Variants in ADAMTSL5 observed in about 807,000 individuals in gnomAD.
ADAMTSL5 encodes the protein ADAMTS-like protein 5.
ADAMTSL5 carries 53 observed loss-of-function variants against 51.7 expected under a neutral mutation model. That is an observed-to-expected ratio of 1.03 (90% CI 0.82 to 1.29). The LOEUF (loss-of-function observed/expected upper bound fraction) is 1.29, where lower values mean the gene tolerates loss of function less well. Among genes scored for constraint, ADAMTSL5 ranks in the 50% most tolerant of loss-of-function variants. ADAMTSL5 has a pLI of 0.00. For missense variants in ADAMTSL5, 770 were observed against 676.2 expected (o/e 1.14, Z -1.54); for synonymous variants, 285 against 278.7 (o/e 1.02, Z -0.23).
At position 1,506,551 on chromosome 19, in the gene ADAMTSL5, T is replaced by C; in HGVS notation, c.1114+39A>G. The C allele has an allele frequency of 6.3e-7, 1 of 1,596,516 alleles. No homozygotes were observed. The highest frequency in any genetic ancestry group is 8.5e-7 in the Non-Finnish European group (1 of 1,171,034). ...GTCAGAGGTCAGGAGGAGGCCAGGT[T>C]AGTAGGGGCTAAGTCAGGGTAGAGG... On this transcript the variant is annotated intron_variant, in intron 11 of 11. Coordinates refer to ENST00000330475, the MANE Select transcript of ADAMTSL5 (RefSeq NM_213604.3). This position sits in a 1 kb window ranked among gnomAD's most constrained non-coding sequence, Gnocchi z 5.6.
At position 1,510,735 on chromosome 19, in the gene ADAMTSL5, T is replaced by C; in HGVS notation, c.100-5A>G. On this transcript the variant is annotated splice_polypyrimidine_tract_variant and splice_region_variant and intron_variant, in intron 2 of 11. Coordinates refer to ENST00000330475, the MANE Select transcript of ADAMTSL5 (RefSeq NM_213604.3). ...CGGGGTCCACTCGCCCGGACCCTAC[T>C]TGGGGAGACAGAGGCACGGTCAGCC... 1 of 1,531,286 alleles carries C rather than the reference T, an allele frequency of 6.5e-7. No homozygotes were observed. The highest frequency in any genetic ancestry group is 1.2e-5 in the South Asian group (1 of 82,872). The allele number at this position is 1,531,286 out of a possible 1,614,324, so 94.9% of individuals were successfully genotyped here. A position where few individuals can be genotyped will look rare whatever the true frequency, so the allele number is the denominator to read the frequency against.
chr19:1,506,617 G>T lies in ADAMTSL5; in HGVS notation c.1087C>A (p.Leu363Ile). Residue 363 changes from leucine (L) to isoleucine (I), a missense_variant, in exon 11 of 12, where the codon CTA becomes ATA. By Grantham distance (5) the Leu-to-Ile change is conservative. Coordinates refer to ENST00000330475, the MANE Select transcript of ADAMTSL5 (RefSeq NM_213604.3). This position sits in a 1 kb window ranked among gnomAD's most constrained non-coding sequence, Gnocchi z 5.6. ...AAGTCACTGCCGCAATAGTGGAGTA[G>T]TCGGTGGGCGCGGCCGCGGGTGTCA... Reference protein sequence around the residue: ...CPDTRGRAHRLLHYCGSDFVF... With the variant: ...CPDTRGRAHRILHYCGSDFVF... 2 of 1,611,796 alleles carry T rather than the reference G, an allele frequency of 1.2e-6. No homozygotes were observed. Among genetic ancestry groups the T allele is most frequent in the Non-Finnish European group, 1.7e-6 (2 of 1,179,336 alleles).
chr19:1,507,129 A>T (rs201711482), intron 9 of ADAMTSL5, 113 bp downstream of exon 9: 2 of 1,231,372 alleles, frequency 1.6e-6, no homozygotes, highest in Non-Finnish European at 2.1e-6. Flanking sequence ...CTCCCCTCTG[A>T]CCCCAGACTC....
Position 1,510,337 on chromosome 19 carries a change from G to A in ADAMTSL5, c.252+31C>T, listed in dbSNP as rs367836169. ...GTGGGCTTCAGGCAGTCTGGGGTGG[G>A]AGAGTGGTCTGGGAGGTGGGCAGGG... On this transcript the variant is annotated intron_variant, in intron 4 of 11. Transcript: ENST00000330475. 9 of 1,613,666 alleles carry A rather than the reference G, an allele frequency of 5.6e-6. No homozygotes were observed. The African/African-American group carries it at 1.1e-4, about 19-fold the overall frequency.
chr19:1,507,834 G>C (rs1442647546), intron 7 of ADAMTSL5, among the ~76,000 whole-genome samples, 164 bp downstream of exon 7: 2 of 152,250 alleles, frequency 1.3e-5, no homozygotes, highest in East Asian at 3.9e-4. Context: ...AACCCCATCT[G>C]TCCTGGGGAA....
Position 1,508,536 on chromosome 19 carries a change from C to T in ADAMTSL5, c.396G>A (p.Glu132=). ...CGAAGCTGTGGTAGAAGGCGTGCCC[C>T]TCAGCCAGGCAGTTGAGGTCGCACT... The part of the protein sequence containing the change: ...PNQCDLNCLA[E]GHAFYHSFGR... The change falls in exon 6 of 12, where the codon GAG becomes GAA. Residue 132 remains glutamate, a synonymous_variant. Transcript: ENST00000330475. The T allele has an allele frequency of 6.3e-7, 1 of 1,580,818 alleles. No homozygotes were observed. Among genetic ancestry groups the T allele is most frequent in the Non-Finnish European group, 8.5e-7 (1 of 1,170,942 alleles).
In ADAMTSL5 at chr19:1,506,204, C is replaced by A. The variant is rs148523374; in HGVS notation, c.1227G>T (p.Val409=). The A allele has an allele frequency of 6.2e-7, 1 of 1,606,952 alleles. No homozygotes were observed. The highest frequency in any genetic ancestry group is 1.3e-5 in the African/African-American group (1 of 74,818). The change falls in exon 12 of 12, where the codon GTG becomes GTT. Residue 409 remains valine, a synonymous_variant. Transcript: ENST00000330475. The surrounding 1 kb of genome is among the most constrained non-coding windows in gnomAD (Gnocchi z 5.6). ...NRSPLRAREY[V]WAPGHCPCPM... ...GGCAGGGGCAGTGGCCTGGCGCCCACACGTACTCGCGTGCCCGCAGTGGCG... is the reference window on the plus strand; with the variant it reads ...GGCAGGGGCAGTGGCCTGGCGCCCAAACGTACTCGCGTGCCCGCAGTGGCG...
At position 1,507,918 on chromosome 19, in the gene ADAMTSL5, A is replaced by G. The variant is rs900986423; in HGVS notation, c.601+80T>C. 5 of 1,449,944 alleles carry G rather than the reference A, an allele frequency of 3.4e-6. No homozygotes were observed. In the African/African-American group the frequency reaches 7.0e-5, roughly 20 times the overall value. 89.8% of individuals were successfully genotyped at this position (1,449,944 alleles called of 1,614,324 possible). A position where few individuals can be genotyped will look rare whatever the true frequency, so the allele number is the denominator to read the frequency against. ...CTGGGCCGCACACTGGCCAATCAGC[A>G]CGGAAATTTGCTTCCGGGCCACGGC... On this transcript the variant is annotated intron_variant, in intron 7 of 11. Transcript: ENST00000330475.
At position 1,508,447 on chromosome 19, in the gene ADAMTSL5, C is replaced by A. The variant is rs755366060; in HGVS notation, c.485G>T (p.Cys162Phe). 9 of 1,553,378 alleles carry A rather than the reference C, an allele frequency of 5.8e-6. No homozygotes were observed. The highest frequency in any genetic ancestry group is 5.6e-5 in the Admixed American group (3 of 53,906). ...GAQGVCVAGR[C>F]LSAGCDGLLG... ...CGGGGCCTGACGAGTCCTTACAAGG[C>A]AGCGGCCAGCCACGCAGACCCCCTG... The change falls in exon 6 of 12, where the codon TGC becomes TTC. Residue 162 changes from cysteine to phenylalanine, a missense_variant. Physicochemically the swap from Cys to Phe is radical, Grantham distance 205. Transcript: ENST00000330475.
rs778426758 is a variant in ADAMTSL5 at position 1,510,655 on chromosome 19, T to TGC, written c.173_174dup (p.Ser59AlafsTer152). 9.8e-6 allele frequency: 15 copies of TGC among 1,538,292 alleles called. No homozygotes were observed. Among genetic ancestry groups the TGC allele is most frequent in the Middle Eastern group, 4.5e-4 (2 of 4,472 alleles). On this transcript the variant is annotated frameshift_variant, in exon 3 of 12. Transcript: ENST00000330475. LOFTEE classifies it high-confidence loss of function. ...CCCGCTCACCGGAGGCAGCGCCGGC[T>TGC]GCGCACAGAGACGCCACGCCCGCAG...
Position 1,507,301 on chromosome 19 carries a change from T to A in ADAMTSL5, c.793A>T (p.Thr265Ser). The A allele has an allele frequency of 6.3e-7, 1 of 1,587,846 alleles. No individual in the cohort carries two copies. Among genetic ancestry groups the A allele is most frequent in the South Asian group, 1.1e-5 (1 of 87,600 alleles). ...AGTHVVYTRD[T>S]GPQETLQAAG... Reference sequence around the variant, plus strand: ...GCTTGCAATGTCTCCTGGGGCCCTGTGTCTCGGGTGTAGACCACATGCGTG... The same window carrying A: ...GCTTGCAATGTCTCCTGGGGCCCTGAGTCTCGGGTGTAGACCACATGCGTG... Residue 265 changes from threonine (T) to serine (S), a missense_variant, in exon 9 of 12, where the codon ACA (threonine) becomes TCA (serine). Coordinates refer to ENST00000330475, the MANE Select transcript of ADAMTSL5 (RefSeq NM_213604.3).
Position 1,506,488 on chromosome 19 carries a change from G to T in ADAMTSL5, c.1114+102C>A. On this transcript the variant is annotated intron_variant, in intron 11 of 11. Transcript: ENST00000330475. The surrounding 1 kb of genome is among the most constrained non-coding windows in gnomAD (Gnocchi z 5.6). The stretch of plus-strand genomic sequence containing the variant: ...GGGATTAGGGTCAAGAGGCAAATTA[G>T]GATCAGAAGAAGGGGTCAAGGGTAA... 6.7e-7 allele frequency: 1 copy of T among 1,484,052 alleles called. No homozygotes were observed. Among genetic ancestry groups the T allele is most frequent in the Non-Finnish European group, 9.2e-7 (1 of 1,081,648 alleles). 91.9% of individuals were successfully genotyped at this position (1,484,052 alleles called of 1,614,324 possible). A position where few individuals can be genotyped will look rare whatever the true frequency, so the allele number is the denominator to read the frequency against.
chr19:1,507,916 G>T, intron 7 of ADAMTSL5, 82 bp downstream of exon 7: 1 of 1,437,444 alleles, frequency 7.0e-7, no homozygotes, highest in Non-Finnish European at 9.5e-7. Flanking sequence ...TGGCCAATCA[G>T]CACGGAAATT....
intron 6 of ADAMTSL5, 57 bp from the exon 7 acceptor site, chr19:1,508,166 G>T: frequency 2.0e-6 from 3 of 1,465,164 alleles, no homozygotes; most frequent in Non-Finnish European, 2.7e-6. Flanking sequence ...AGGACCTGGG[G>T]AAAGGGCAGT....
Position 1,507,655 on chromosome 19 carries a change from G to A in ADAMTSL5, c.602-12C>T, listed in dbSNP as rs1461302669. 6 of 1,612,434 alleles carry A rather than the reference G, an allele frequency of 3.7e-6. No homozygotes were observed. The Admixed American group carries it at 6.7e-5, about 18-fold the overall frequency. ...CCCAGCGAAGGCACCTGGGTGGGAG[G>A]GTAGGAGGGTGTTGGGGTGCCAGTG... On this transcript the variant is annotated splice_polypyrimidine_tract_variant and intron_variant, in intron 7 of 11. Coordinates refer to ENST00000330475, the MANE Select transcript of ADAMTSL5 (RefSeq NM_213604.3).
chr19:1,512,629 G>A (rs1018363824), intron 1 of ADAMTSL5, among the ~76,000 whole-genome samples: 2 of 152,116 alleles, frequency 1.3e-5, no homozygotes, highest in African/African-American at 2.4e-5. Flanking sequence ...GCAGTGAGCC[G>A]AGATGGGGCC....
rs1486387120 is a variant in ADAMTSL5 at position 1,505,988 on chromosome 19, G to C, written c.*27C>G. The C allele has an allele frequency of 6.6e-7, 1 of 1,513,450 alleles. No homozygotes were observed. Among genetic ancestry groups the C allele is most frequent in the Non-Finnish European group, 8.8e-7 (1 of 1,139,096 alleles). 93.8% of individuals were successfully genotyped at this position (1,513,450 alleles called of 1,614,324 possible). On this transcript the variant is annotated 3_prime_UTR_variant, in exon 12 of 12. Transcript: ENST00000330475. ...GCTGGTCAGATGTATCTTTCTTGCT[G>C]TGTGTGGCCGGGGCTCCTGCAGGGG...
At chr19:1,507,484 T>C (rs791460) in intron 8 of ADAMTSL5, 73 bp downstream of exon 8, 641,548 of 1,610,642 alleles carry the variant, frequency 0.4, 128,932 homozygotes, top group Middle Eastern at 0.42. Flanking sequence ...GGCCTCAGTC[T>C]CCCCATCTGT....
intron 7 of ADAMTSL5, among the ~76,000 whole-genome samples, 153 bp downstream of exon 7, chr19:1,507,845 G>C (rs1298398759): frequency 6.6e-6 from 1 of 152,170 alleles, no homozygotes; most frequent in African/African-American, 2.4e-5. Context: ...TCCTGGGGAA[G>C]GGCGGGACAA....
Sources: gnomAD v4.1 joint callset for allele counts (sites outside exome capture counted in the v4.1 genomes callset) on GRCh38, gnomAD v4.1.1 for gene constraint, Gnocchi (gnomAD v3.1) non-coding constraint, MANE v1.5 for transcripts, NCBI Gene and HGNC (gene_info 2026-07-23, HGNC 2026-07-21) for gene names.